The following SYT9 variants were observed in gnomAD, a reference collection of about 807,000 sequenced individuals.
SYT9 encodes synaptotagmin 9.
A neutral mutation model predicts 48.4 loss-of-function variants in SYT9; 22 were observed. That is an observed-to-expected ratio of 0.45 (90% CI 0.32 to 0.65). SYT9 has a LOEUF of 0.65. Ranked by LOEUF, SYT9 falls within the 30% of genes least tolerant of loss-of-function variation. SYT9 has a pLI of 0.03. For missense variants in SYT9, 577 were observed against 622.0 expected, an observed-to-expected ratio of 0.93 and a Z score of 0.77; for synonymous variants, 265 against 245.0, an observed-to-expected ratio of 1.08 and a Z score of -0.76.
chr11:7,434,969 G>A (rs1439673648), intron 6 of SYT9: 3 of 152,140 alleles, frequency 2.0e-5, no homozygotes, highest in Non-Finnish European at 4.4e-5. Flanking sequence ...TATATCACAT[G>A]AATGTGCACT....
chr11:7,244,696 C>A (rs1054686390), intron 1 of SYT9, among the ~76,000 whole-genome samples: 1 of 152,194 alleles, frequency 6.6e-6, no homozygotes, highest in Admixed American at 6.5e-5. Flanking sequence ...TTAAAGGCAA[C>A]TATCTGGCAA....
intron 1 of SYT9, among the ~76,000 whole-genome samples, chr11:7,263,472 A>G (rs887031281): frequency 5.3e-5 from 8 of 152,202 alleles, no homozygotes; most frequent in Non-Finnish European, 7.4e-5. Flanking sequence ...GGACACAAAC[A>G]TTCAGATCTT....
intron 1 of SYT9, among the ~76,000 whole-genome samples, chr11:7,246,376 G>T (rs1847791561): frequency 6.6e-6 from 1 of 152,196 alleles, no homozygotes; most frequent in Non-Finnish European, 1.5e-5. Flanking sequence ...GACCTGGAAG[G>T]CTTCCTGAGT....
chr11:7,446,334 C>T (rs979776130), intron 6 of SYT9, among the ~76,000 whole-genome samples: 9 of 152,216 alleles, frequency 5.9e-5, no homozygotes, highest in African/African-American at 2.2e-4. Context: ...AGAACACTTA[C>T]AAGAGTGCCT....
At chr11:7,380,688 G>A (rs1009718149) in intron 3 of SYT9, among the ~76,000 whole-genome samples, 37 of 152,148 alleles carry the variant, frequency 2.4e-4, no homozygotes, top group African/African-American at 1.7e-4. Flanking sequence ...TGTCTCTAGT[G>A]GGTTATGGCT....
chr11:7,432,588 TATAC>T (rs1177450997), intron 6 of SYT9, among the ~76,000 whole-genome samples: 313 of 3,006 alleles, frequency 0.1, 18 homozygotes, highest in Non-Finnish European at 0.12. Context: ...AAAAAATATA[TATAC>T]ATATATATAT....
intron 1 of SYT9, among the ~76,000 whole-genome samples, chr11:7,268,301 T>C (rs969843450): frequency 8.6e-5 from 13 of 151,946 alleles, no homozygotes; most frequent in African/African-American, 3.1e-4. Context: ...TATTTTGATA[T>C]AAAATTATCA....
intron 3 of SYT9, chr11:7,314,304 G>A (rs1849201761): frequency 4.8e-6 from 2 of 414,908 alleles, no homozygotes; most frequent in Admixed American, 6.0e-5. Context: ...ACTGTAGTCT[G>A]CAGCTAAGAG....
intron 3 of SYT9, among the ~76,000 whole-genome samples, chr11:7,349,751 A>T (rs565881464): frequency 6.6e-6 from 1 of 152,338 alleles, no homozygotes; most frequent in Non-Finnish European, 1.5e-5. Flanking sequence ...TAGGAAAATG[A>T]GGTATAGAAG....
chr11:7,426,847 A>C (rs1847467149), intron 6 of SYT9, among the ~76,000 whole-genome samples: 1 of 152,152 alleles, frequency 6.6e-6, no homozygotes, highest in Admixed American at 6.5e-5. Context: ...GTAAGGAAAC[A>C]TTTGGAATTT....
rs35567024 is a variant in SYT9, at chr11:7,297,102, CAGAG to C, written c.146-5915_146-5912del. On this transcript the variant is annotated intron_variant, in intron 1 of 6. Coordinates refer to ENST00000318881, the MANE Select transcript of SYT9 (RefSeq NM_175733.4). ...TGTGTGTGTGAGAGAGAGAGAGAGACAGAGAGAGAGAGAGAGAGAGAGAGATCAG... is the reference window on the plus strand; with the variant it reads ...TGTGTGTGTGAGAGAGAGAGAGAGACAGAGAGAGAGAGAGAGAGAGATCAG... Among the ~76,000 whole-genome samples, 239 of 143,828 alleles carry C rather than the reference CAGAG, an allele frequency of 1.7e-3. 1 individual carries two copies. Among genetic ancestry groups the C allele is most frequent in the African/African-American group, 5.5e-3 (214 of 39,010 alleles). 94.4% of individuals were successfully genotyped at this position (143,828 alleles called of 152,430 possible). A position where few individuals can be genotyped will look rare whatever the true frequency, so the allele number is the denominator to read the frequency against.
chr11:7,322,619 G>T (rs1849357187), intron 3 of SYT9, among the ~76,000 whole-genome samples: 1 of 152,138 alleles, frequency 6.6e-6, no homozygotes. Flanking sequence ...CTGACGAAGA[G>T]ACTTTAATAG....
chr11:7,277,093 C>T (rs766413033), intron 1 of SYT9, among the ~76,000 whole-genome samples: 20 of 151,906 alleles, frequency 1.3e-4, no homozygotes, highest in African/African-American at 4.6e-4. Flanking sequence ...CAAACATTAT[C>T]TGCCATGTGT....
chr11:7,302,882 T>C (rs7934034), intron 1 of SYT9, among the ~76,000 whole-genome samples, 157 bp from the exon 2 acceptor site: 23,946 of 152,140 alleles, frequency 0.16, 1,974 homozygotes, highest in South Asian at 0.21. Flanking sequence ...ATTGTCACCG[T>C]CCCAGAATTA....
chr11:7,402,950 A>G (rs1184441595), intron 3 of SYT9, among the ~76,000 whole-genome samples: 2 of 152,138 alleles, frequency 1.3e-5, no homozygotes, highest in Admixed American at 6.6e-5. Context: ...ATGGCAGACT[A>G]TATATACTGA....
At chr11:7,383,632 C>A (rs1272713750) in intron 3 of SYT9, among the ~76,000 whole-genome samples, 1 of 151,982 alleles carries the variant, frequency 6.6e-6, no homozygotes, top group East Asian at 1.9e-4. Flanking sequence ...GTAATAACAG[C>A]TACGTCATGT....
At chr11:7,326,328 TG>T (rs1423270508) in intron 3 of SYT9, among the ~76,000 whole-genome samples, 1 of 67,432 alleles carries the variant, frequency 1.5e-5, no homozygotes, top group Non-Finnish European at 2.8e-5. Context: ...AACTTCTTCC[TG>T]GTTTAGTCTT....
intron 1 of SYT9, among the ~76,000 whole-genome samples, chr11:7,299,385 A>G (rs963984371): frequency 6.6e-6 from 1 of 152,202 alleles, no homozygotes; most frequent in Non-Finnish European, 1.5e-5. Flanking sequence ...AGAAGTCTAG[A>G]CAATTATGCT....
intron 3 of SYT9, among the ~76,000 whole-genome samples, chr11:7,349,600 C>A (rs932726394): frequency 2.0e-5 from 3 of 152,174 alleles, no homozygotes; most frequent in African/African-American, 7.2e-5. Context: ...CCCTCAGCTT[C>A]CCAGAGCCCA....
Sources: gnomAD v4.1 joint callset for allele counts (sites outside exome capture counted in the v4.1 genomes callset) on GRCh38, gnomAD v4.1.1 for gene constraint, MANE v1.5 for transcripts, NCBI Gene and HGNC (gene_info 2026-07-23, HGNC 2026-07-21) for gene names.